The following PTPRF variants were observed in gnomAD, a reference collection of about 807,000 sequenced individuals.
PTPRF encodes protein tyrosine phosphatase receptor type F.
Under a neutral mutation model 201.8 loss-of-function variants are expected in PTPRF, and 59 were observed. The ratio of observed to expected loss-of-function variants is 0.29; its 90% CI spans 0.24 to 0.36. The LOEUF (loss-of-function observed/expected upper bound fraction) is 0.36, where lower values mean the gene tolerates loss of function less well. Among genes scored for constraint, PTPRF ranks in the 10% least tolerant of loss-of-function variants. The pLI, the probability that PTPRF is intolerant of heterozygous loss-of-function variation, is 1.00. For synonymous variants in PTPRF, 1,088 were observed against 1,089.7 expected (o/e 1.00, Z 0.03); for missense variants, 2,132 against 2,690.5 (o/e 0.79, Z 4.59).
rs146161635 is a variant in PTPRF at position 43,579,225 on chromosome 1, C to G, written c.679+305C>G. On this transcript the variant is annotated intron_variant, in intron 7 of 33. Transcript: ENST00000359947. ...CCATGGGAATTTGGAGCCATCCAAT[C>G]CGACTTCTTGGTGTATGTGCATGTG... The G allele has an allele frequency of 5.6e-4, 333 of 598,032 alleles. 1 individual carries two copies. Among genetic ancestry groups the G allele is most frequent in the Non-Finnish European group, 9.2e-4 (284 of 308,200 alleles). 37.0% of individuals were successfully genotyped at this position (598,032 alleles called of 1,614,324 possible).
At chr1:43,578,971 C>G in intron 7 of PTPRF, 51 bp downstream of exon 7, 3 of 1,554,680 alleles carry the variant, frequency 1.9e-6, no homozygotes, top group South Asian at 1.1e-5. Flanking sequence ...CTGTGCTGCA[C>G]CTGCCGGGCT....
intron 11 of PTPRF, among the ~76,000 whole-genome samples, chr1:43,593,228 C>T (rs12125409): frequency 0.26 from 39,586 of 152,110 alleles, 6,102 homozygotes; most frequent in East Asian, 0.48. Context: ...TGAGAGACTC[C>T]GATGCTGCAG....
rs901026691 is a variant in PTPRF at position 43,599,015 on chromosome 1, C to T, written c.2313+102C>T. 3.1e-6 allele frequency: 4 copies of T among 1,287,528 alleles called. No homozygotes were observed. In the Admixed American group the frequency reaches 8.2e-5, roughly 26 times the overall value. The allele number at this position is 1,287,528 out of a possible 1,614,324, so 79.8% of individuals were successfully genotyped here. A position where few individuals can be genotyped will look rare whatever the true frequency, so the allele number is the denominator to read the frequency against. ...ATGTCCCTCTTCCCCTGCCTGCCCT[C>T]AGCAGTGCTGTGACTGCCTTTCCTT... On this transcript the variant is annotated intron_variant, in intron 13 of 33. Transcript: ENST00000359947.
chr1:43,603,200 C>T lies in PTPRF; in HGVS notation c.2341-216C>T, dbSNP rs551929058. ...AGAATAATGAGCTGTCTGCCCCAGG[C>T]GTGCGGCTCCTGGGATGGGCGGGGT... On this transcript the variant is annotated intron_variant, in intron 14 of 33. Coordinates refer to ENST00000359947, the MANE Select transcript of PTPRF (RefSeq NM_002840.5). This position sits in a 1 kb window ranked among gnomAD's most constrained non-coding sequence, Gnocchi z 5.8. Among the ~76,000 whole-genome samples the T allele has an allele frequency of 9.2e-5, 14 of 152,280 alleles. No homozygotes were observed. In the South Asian group the frequency reaches 2.7e-3, roughly 29 times the overall value.
chr1:43,548,307 C>G (rs1212413254), intron 3 of PTPRF, among the ~76,000 whole-genome samples: 1 of 151,358 alleles, frequency 6.6e-6, no homozygotes, highest in Non-Finnish European at 1.5e-5. Flanking sequence ...GAGCTCAGAG[C>G]AGGATGCGTG....
rs72889072 is a variant in PTPRF, at chr1:43,592,720, C to A, written c.1813+119C>A. On this transcript the variant is annotated intron_variant, in intron 11 of 33. Transcript: ENST00000359947. ...GGGTGGTCAGGTCTGCTGGCCAAAC[C>A]GAACTCTGGCCTGGGCTCTGAGTCT... The A allele has an allele frequency of 0.01, 12,665 of 1,225,898 alleles. 994 individuals carry two copies. The African/African-American group carries it at 0.17, about 17-fold the overall frequency. 75.9% of individuals were successfully genotyped at this position (1,225,898 alleles called of 1,614,324 possible). A position where few individuals can be genotyped will look rare whatever the true frequency, so the allele number is the denominator to read the frequency against.
intron 22 of PTPRF, among the ~76,000 whole-genome samples, chr1:43,609,961 C>T (rs931931030): frequency 6.6e-6 from 1 of 152,198 alleles, no homozygotes; most frequent in Non-Finnish European, 1.5e-5. Flanking sequence ...GTTTACCATA[C>T]CACGTACCTG....
intron 5 of PTPRF, among the ~76,000 whole-genome samples, chr1:43,567,250 C>T (rs1646250592): frequency 6.6e-6 from 1 of 152,136 alleles, no homozygotes; most frequent in Non-Finnish European, 1.5e-5. Context: ...CCTCTGGTCC[C>T]CCTCAGGCCT....
chr1:43,613,833 GCA>G (rs746243010), intron 23 of PTPRF, 118 bp downstream of exon 23: 22 of 865,362 alleles, frequency 2.5e-5, no homozygotes, highest in Non-Finnish European at 3.8e-5. Flanking sequence ...TTTTTCAGGA[GCA>G]CAGAGAGGAG....
chr1:43,551,318 G>A (rs943809766), intron 3 of PTPRF, among the ~76,000 whole-genome samples: 7 of 152,080 alleles, frequency 4.6e-5, no homozygotes, highest in Non-Finnish European at 1.0e-4. Flanking sequence ...CCCCAGTGGA[G>A]CCTGAGCAGG....
chr1:43,595,266 A>G (rs1430796196), intron 11 of PTPRF, among the ~76,000 whole-genome samples: 2 of 152,120 alleles, frequency 1.3e-5, no homozygotes, highest in African/African-American at 4.8e-5. Context: ...GCTGGAGTGC[A>G]GTGGCATGAT....
intron 22 of PTPRF, chr1:43,612,622 GC>G (rs1656722026): frequency 2.0e-6 from 1 of 496,022 alleles, no homozygotes; most frequent in Non-Finnish European, 3.6e-6. Flanking sequence ...GCCCCTCACC[GC>G]CCCCTCCTCT....
intron 6 of PTPRF, among the ~76,000 whole-genome samples, chr1:43,575,117 A>G (rs146150775): frequency 2.6e-5 from 4 of 152,294 alleles, no homozygotes; most frequent in African/African-American, 9.6e-5. Flanking sequence ...GTGGTTGCAC[A>G]GGGGGCTTGA....
intron 13 of PTPRF, among the ~76,000 whole-genome samples, chr1:43,599,690 A>T (rs1368978): frequency 6.6e-6 from 1 of 152,178 alleles, no homozygotes; most frequent in Non-Finnish European, 1.5e-5. Context: ...TCCCTGGGGT[A>T]TTCTGAACAC....
intron 8 of PTPRF, among the ~76,000 whole-genome samples, chr1:43,589,734 C>A (rs1650149293): frequency 6.7e-6 from 1 of 149,818 alleles, no homozygotes; most frequent in South Asian, 2.1e-4. Flanking sequence ...TGGTGGCACA[C>A]ACCTGTGGCC....
At chr1:43,527,796 C>T (rs74071931), upstream of PTPRF, among the ~76,000 whole-genome samples, 1 of 152,138 alleles carries the variant, frequency 6.6e-6, no homozygotes, top group Admixed American at 6.5e-5. Context: ...CACAGGCTAG[C>T]GAACACCACG....
intron 33 of PTPRF, 47 bp downstream of exon 33, chr1:43,621,279 C>T (rs1393729610): frequency 1.2e-6 from 2 of 1,601,600 alleles, no homozygotes; most frequent in South Asian, 1.1e-5. Context: ...AGCAGCGCTG[C>T]TGGGAACCCT....
At chr1:43,602,534 A>C (rs1402440538) in intron 14 of PTPRF, among the ~76,000 whole-genome samples, 1 of 152,134 alleles carries the variant, frequency 6.6e-6, no homozygotes, top group Non-Finnish European at 1.5e-5. Context: ...GGAGGGGTCC[A>C]TGAGGGGGTG....
intron 6 of PTPRF, among the ~76,000 whole-genome samples, chr1:43,576,533 C>T (rs893860025): frequency 5.9e-5 from 9 of 152,180 alleles, no homozygotes; most frequent in South Asian, 4.1e-4. Flanking sequence ...TCGGAGTCCC[C>T]GCTAGGCTGC....
Sources: gnomAD v4.1 joint callset for allele counts (sites outside exome capture counted in the v4.1 genomes callset) on GRCh38, gnomAD v4.1.1 for gene constraint, Gnocchi (gnomAD v3.1) non-coding constraint, MANE v1.5 for transcripts, NCBI Gene and HGNC (gene_info 2026-07-23, HGNC 2026-07-21) for gene names.